ANXA8: variants seen among roughly 807,000 people sequenced by gnomAD.
ANXA8 encodes the protein annexin A8, also known as VAC-beta.
ANXA8 carries 9 observed loss-of-function variants against 26.8 expected under a neutral mutation model. That is an observed-to-expected ratio of 0.34 (90% CI 0.20 to 0.59). The LOEUF (loss-of-function observed/expected upper bound fraction) is 0.59, where lower values mean the gene tolerates loss of function less well. ANXA8 is among the 20% of genes least tolerant of loss of function. ANXA8 has a pLI of 0.84. For synonymous variants in ANXA8, 39 were observed against 94.8 expected (o/e 0.41, Z 3.42); for missense variants, 83 against 238.5 (o/e 0.35, Z 4.29).
At chr10:47,743,319 T>TATATATATACATATATATATATACAC in the ANXA8 span, among the ~76,000 whole-genome samples, 47 of 45,812 alleles carry the variant, frequency 1.0e-3, no homozygotes, top group South Asian at 2.0e-3. Context: ...TATACACATA[T>TATATATATACATATATATATATACAC]ATATATATAC....
At chr10:47,778,069 T>G in the ANXA8 span, among the ~76,000 whole-genome samples, 1 of 152,008 alleles carries the variant, frequency 6.6e-6, no homozygotes, top group Non-Finnish European at 1.5e-5. Flanking sequence ...CAATTGGCTT[T>G]CTGCCTATTT....
At chr10:47,918,423 AAGAAAG>A in the ANXA8 span, among the ~76,000 whole-genome samples, 2 of 35,098 alleles carry the variant, frequency 5.7e-5, 1 homozygote, top group Non-Finnish European at 1.2e-4. Flanking sequence ...GAAAGAAAGA[AAGAAAG>A]AAAGAGAGAG....
chr10:47,951,627 T>C, the ANXA8 span, among the ~76,000 whole-genome samples: 204 of 150,300 alleles, frequency 1.4e-3, no homozygotes, highest in South Asian at 2.1e-4. Flanking sequence ...CTGGGCAACA[T>C]GGTGAAACCC....
At chr10:47,698,768 C>T in the ANXA8 span, among the ~76,000 whole-genome samples, 7,206 of 151,640 alleles carry the variant, frequency 0.048, 130 homozygotes, top group African/African-American at 0.17. Context: ...GTTGAGGCTG[C>T]AGTGAGCCAT....
the ANXA8 span, among the ~76,000 whole-genome samples, chr10:47,623,132 T>C: frequency 9.1e-6 from 1 of 110,162 alleles, no homozygotes; most frequent in Non-Finnish European, 2.0e-5. Flanking sequence ...TCACCCTTTA[T>C]TCATATACCA....
the ANXA8 span, among the ~76,000 whole-genome samples, chr10:47,583,581 G>C: frequency 9.6e-6 from 1 of 103,936 alleles, no homozygotes; most frequent in Non-Finnish European, 1.8e-5. Flanking sequence ...GGAACCGGGG[G>C]AGGGGAGCTG....
chr10:47,950,815 T>C, the ANXA8 span, among the ~76,000 whole-genome samples: 1 of 151,056 alleles, frequency 6.6e-6, no homozygotes, highest in Non-Finnish European at 1.5e-5. Flanking sequence ...TCAAAATTTT[T>C]GTAATGATTA....
chr10:47,494,857 G>A, the ANXA8 span, among the ~76,000 whole-genome samples: 7 of 152,214 alleles, frequency 4.6e-5, no homozygotes, highest in East Asian at 1.9e-4. Flanking sequence ...CCGAGTTAAG[G>A]GAACCAATAA....
chr10:47,733,011 T>C, the ANXA8 span, among the ~76,000 whole-genome samples: 1 of 149,914 alleles, frequency 6.7e-6, no homozygotes, highest in Non-Finnish European at 1.5e-5. Flanking sequence ...TGGTTGCAAG[T>C]GATAAAAACC....
In ANXA8 at chr10:47,474,208, C is replaced by G; in HGVS notation, c.646+97G>C. On this transcript the variant is annotated intron_variant, in intron 8 of 11. Transcript: ENST00000585281. The stretch of plus-strand genomic sequence containing the variant: ...ACAGTCCTGGGCTCCCTGGCTCTCT[C>G]CCTAACTCTAGACTTGACAAGGCAG... 4 of 1,166,080 alleles carry G rather than the reference C, an allele frequency of 3.4e-6. 1 individual carries two copies. Among genetic ancestry groups the G allele is most frequent in the Non-Finnish European group, 1.2e-6 (1 of 814,678 alleles). 72.2% of individuals were successfully genotyped at this position (1,166,080 alleles called of 1,614,324 possible). A position where few individuals can be genotyped will look rare whatever the true frequency, so the allele number is the denominator to read the frequency against.
At chr10:47,489,324 A>T in the ANXA8 span, among the ~76,000 whole-genome samples, 2 of 147,616 alleles carry the variant, frequency 1.4e-5, no homozygotes, top group African/African-American at 5.0e-5. Flanking sequence ...TGCCATGTTA[A>T]ATGTTTTGTC....
At chr10:47,585,016 G>A in the ANXA8 span, among the ~76,000 whole-genome samples, 27 of 147,460 alleles carry the variant, frequency 1.8e-4, no homozygotes, top group Non-Finnish European at 3.4e-4. Context: ...TGAACCCAGG[G>A]AGGCAGAAGT....
At chr10:47,971,064 C>G in the ANXA8 span, among the ~76,000 whole-genome samples, 10 of 151,426 alleles carry the variant, frequency 6.6e-5, no homozygotes, top group Admixed American at 6.6e-4. Context: ...CTTGCCCTCT[C>G]TGATTCTCAA....
chr10:47,673,843 T>C, the ANXA8 span, among the ~76,000 whole-genome samples: 1 of 150,076 alleles, frequency 6.7e-6, no homozygotes, highest in African/African-American at 2.5e-5. Context: ...GTATATTTGT[T>C]ATAATTAATG....
At chr10:47,986,543 G>A in the ANXA8 span, 9 of 327,062 alleles carry the variant, frequency 2.8e-5, no homozygotes, top group South Asian at 1.4e-4. Context: ...GCTCCTCAGG[G>A]ACCCACATGG....
the ANXA8 span, among the ~76,000 whole-genome samples, chr10:47,510,823 C>T: frequency 2.3e-5 from 2 of 87,996 alleles, 1 homozygote; most frequent in South Asian, 7.5e-4. Context: ...AAGTGAGACT[C>T]CGTCTCAAAA....
chr10:47,744,222 C>T, the ANXA8 span, among the ~76,000 whole-genome samples: 2 of 149,146 alleles, frequency 1.3e-5, no homozygotes, highest in African/African-American at 4.9e-5. Flanking sequence ...GGGAATGTTG[C>T]GGCCCTGCAG....
the ANXA8 span, chr10:47,972,996 C>CT: frequency 1.3e-5 from 2 of 150,364 alleles, no homozygotes; most frequent in African/African-American, 4.9e-5. Context: ...AAAGAACACT[C>CT]TTATACACCT....
At chr10:47,645,573 T>G in the ANXA8 span, among the ~76,000 whole-genome samples, 1 of 151,370 alleles carries the variant, frequency 6.6e-6, no homozygotes, top group Non-Finnish European at 1.5e-5. Context: ...AAAAAATAAT[T>G]TCTTCATGTG....
Sources: allele counts gnomAD v4.1 joint callset (sites outside exome capture counted in the v4.1 genomes callset), GRCh38; gene constraint gnomAD v4.1.1; transcripts MANE v1.5; gene names NCBI Gene and HGNC (gene_info 2026-07-23, HGNC 2026-07-21).